The following ASIC2 variants were observed in gnomAD, a reference collection of about 807,000 sequenced individuals.
ASIC2 encodes the protein acid sensing ion channel subunit 2.
A neutral mutation model predicts 57.3 loss-of-function variants in ASIC2; 25 were observed. The observed-to-expected ratio is 0.44, with a 90% CI of 0.32 to 0.61. The LOEUF (loss-of-function observed/expected upper bound fraction) is 0.61. Ranked by LOEUF, ASIC2 falls within the 20% of genes least tolerant of loss-of-function variation. The pLI is 0.06. For missense variants in ASIC2, 641 were observed against 738.1 expected (o/e 0.87, Z 1.52); for synonymous variants, 319 against 307.5 (o/e 1.04, Z -0.39).
intron 1 of ASIC2, among the ~76,000 whole-genome samples, chr17:33,474,259 C>T (rs1340543577): frequency 9.2e-5 from 14 of 152,078 alleles, no homozygotes; most frequent in Non-Finnish European, 1.9e-4. Context: ...CTCAGCTACT[C>T]GGGAGGCTGA....
At chr17:33,724,283 G>T (rs1909478919) in intron 1 of ASIC2, among the ~76,000 whole-genome samples, 1 of 152,120 alleles carries the variant, frequency 6.6e-6, no homozygotes. Context: ...CCAGCCTTGG[G>T]TATGTCTTTA....
chr17:33,379,738 T>C (rs535131000), intron 1 of ASIC2, among the ~76,000 whole-genome samples: 91 of 152,350 alleles, frequency 6.0e-4, no homozygotes, highest in Non-Finnish European at 1.0e-3. Context: ...ACTGCTCTTA[T>C]TCATTTTACC....
chr17:33,884,251 C>T (rs532480421), intron 1 of ASIC2, among the ~76,000 whole-genome samples: 1 of 152,212 alleles, frequency 6.6e-6, no homozygotes, highest in African/African-American at 2.4e-5. Context: ...CAACCCCAAC[C>T]TGCTCCCTCT....
chr17:33,647,020 G>C (rs981346279), intron 1 of ASIC2, among the ~76,000 whole-genome samples: 8 of 152,072 alleles, frequency 5.3e-5, no homozygotes, highest in Admixed American at 4.6e-4. Flanking sequence ...GAGAGGGACA[G>C]CTTTCCCACC....
chr17:33,015,206 C>T (rs1339272041), intron 9 of ASIC2, among the ~76,000 whole-genome samples: 2 of 152,188 alleles, frequency 1.3e-5, no homozygotes, highest in Admixed American at 1.3e-4. Flanking sequence ...ACTCAATGGG[C>T]ACCGTTTTCC....
intron 1 of ASIC2, among the ~76,000 whole-genome samples, chr17:33,739,955 AAG>A (rs1475720183): frequency 8.1e-6 from 1 of 123,258 alleles, no homozygotes; most frequent in Non-Finnish European, 1.9e-5. Flanking sequence ...GAAAAGAAAA[AAG>A]AGAAAGAAAA....
At chr17:33,540,064 G>T (rs1915359410) in intron 1 of ASIC2, among the ~76,000 whole-genome samples, 1 of 152,192 alleles carries the variant, frequency 6.6e-6, no homozygotes, top group South Asian at 2.1e-4. Flanking sequence ...GACAGGGATT[G>T]TCTCACAGTT....
At chr17:33,238,085 C>A (rs577455789) in intron 1 of ASIC2, among the ~76,000 whole-genome samples, 1 of 152,162 alleles carries the variant, frequency 6.6e-6, no homozygotes, top group Admixed American at 6.5e-5. Context: ...GTAATAAAGG[C>A]GGCTGTTGTT....
chr17:33,113,368 G>A (rs1027134998), intron 1 of ASIC2, among the ~76,000 whole-genome samples: 4 of 152,152 alleles, frequency 2.6e-5, no homozygotes, highest in Non-Finnish European at 4.4e-5. Flanking sequence ...CAAATGCTAC[G>A]GGTTATGATG....
intron 1 of ASIC2, among the ~76,000 whole-genome samples, chr17:33,344,866 C>T (rs1907881201): frequency 6.6e-6 from 1 of 151,406 alleles, no homozygotes; most frequent in African/African-American, 2.4e-5. Context: ...AACATTTACT[C>T]TTGAATGAAT....
chr17:33,811,016 T>A (rs1912405047), intron 1 of ASIC2, among the ~76,000 whole-genome samples: 1 of 152,132 alleles, frequency 6.6e-6, no homozygotes, highest in Non-Finnish European at 1.5e-5. Context: ...CTTTGCAGGG[T>A]GGCTTCCATG....
intron 1 of ASIC2, among the ~76,000 whole-genome samples, chr17:34,073,377 C>G (rs1909498789): frequency 6.6e-6 from 1 of 152,178 alleles, no homozygotes; most frequent in Admixed American, 6.5e-5. Context: ...GTTTGCTGAT[C>G]CCTGATTTGC....
intron 1 of ASIC2, among the ~76,000 whole-genome samples, chr17:34,043,582 A>G (rs925494595): frequency 1.8e-4 from 27 of 152,230 alleles, no homozygotes; most frequent in African/African-American, 6.3e-4. Context: ...CATGGTCACA[A>G]TTCTGCAAGG....
chr17:33,431,013 G>A (rs1166808874), intron 1 of ASIC2, among the ~76,000 whole-genome samples: 1 of 152,170 alleles, frequency 6.6e-6, no homozygotes, highest in Non-Finnish European at 1.5e-5. Flanking sequence ...CAGCATCTAT[G>A]TGAGAGGATG....
chr17:33,715,311 A>G (rs965805315), intron 1 of ASIC2, among the ~76,000 whole-genome samples: 2 of 152,178 alleles, frequency 1.3e-5, no homozygotes, highest in Non-Finnish European at 2.9e-5. Flanking sequence ...CCATTTTTAA[A>G]CTTTTAAAAA....
intron 1 of ASIC2, among the ~76,000 whole-genome samples, chr17:33,694,355 C>G (rs191013859): frequency 3.0e-4 from 46 of 152,358 alleles, no homozygotes; most frequent in African/African-American, 1.0e-3. Context: ...GGAGCACCGT[C>G]ATGATCTAGC....
intron 1 of ASIC2, chr17:34,155,810 C>T: frequency 1.4e-6 from 1 of 725,954 alleles, no homozygotes; most frequent in Non-Finnish European, 2.2e-6. Context: ...GTAGCCTTCC[C>T]TGCAACCAGC....
At chr17:33,358,090 T>G (rs1293601564) in intron 1 of ASIC2, among the ~76,000 whole-genome samples, 1 of 152,208 alleles carries the variant, frequency 6.6e-6, no homozygotes, top group Admixed American at 6.5e-5. Flanking sequence ...CACAGCCAAA[T>G]GTGGCTCGCC....
chr17:34,038,138 T>A (rs879125796), intron 1 of ASIC2: 15 of 1,612,892 alleles, frequency 9.3e-6, no homozygotes, highest in African/African-American at 2.7e-5. Flanking sequence ...TGTACCATTT[T>A]CTAAAAGAAT....
Sources: allele counts gnomAD v4.1 joint callset (sites outside exome capture counted in the v4.1 genomes callset), GRCh38; gene constraint gnomAD v4.1.1; transcripts MANE v1.5; gene names NCBI Gene and HGNC (gene_info 2026-07-23, HGNC 2026-07-21).